Variants in ROBO1 observed in about 807,000 individuals in gnomAD.
The protein encoded by ROBO1 is roundabout guidance receptor 1, also known as roundabout homolog 1.
Under a neutral mutation model 195.9 loss-of-function variants are expected in ROBO1, and 149 were observed. The ratio of observed to expected loss-of-function variants is 0.76; its 90% CI spans 0.67 to 0.87. ROBO1 has a LOEUF of 0.87. ROBO1 is among the 40% of genes least tolerant of loss of function. ROBO1 has a pLI of 0.00. For synonymous variants in ROBO1, 816 were observed against 733.2 expected (o/e 1.11, Z -1.82); for missense variants, 1,933 against 2,068.3 (o/e 0.93, Z 1.27).
chr3:78,785,730 C>T (rs918774546), intron 4 of ROBO1, among the ~76,000 whole-genome samples: 6 of 152,084 alleles, frequency 3.9e-5, no homozygotes, highest in African/African-American at 1.4e-4. Context: ...ATCTGTCCAC[C>T]GTACGTTTTC....
Position 79,688,207 on chromosome 3 carries a change from T to C in ROBO1, c.-51+79545A>G, listed in dbSNP as rs1947188614. On this transcript the variant is annotated intron_variant, in intron 1 of 30. Coordinates refer to ENST00000464233, the MANE Select transcript of ROBO1 (RefSeq NM_002941.4). ...ACACAGGAAGGGGAACATCACACACTGGGGCCTGTTGTGGGGTGGGGGGAG... is the reference window on the plus strand; with the variant it reads ...ACACAGGAAGGGGAACATCACACACCGGGGCCTGTTGTGGGGTGGGGGGAG... Among the ~76,000 whole-genome samples the C allele has an allele frequency of 3.6e-5, 4 of 110,632 alleles. No individual in the cohort carries two copies. In the South Asian group the frequency reaches 1.2e-3, roughly 33 times the overall value. 72.6% of individuals were successfully genotyped at this position (110,632 alleles called of 152,430 possible).
At chr3:78,865,472 C>CTTTT (rs549086224) in intron 4 of ROBO1, among the ~76,000 whole-genome samples, 2 of 126,902 alleles carry the variant, frequency 1.6e-5, no homozygotes, top group African/African-American at 3.0e-5. Flanking sequence ...TTGATGAACG[C>CTTTT]TTTTTTTTTT....
intron 1 of ROBO1, among the ~76,000 whole-genome samples, chr3:79,688,529 T>A (rs1245285902): frequency 1.3e-5 from 2 of 152,136 alleles, no homozygotes; most frequent in African/African-American, 4.8e-5. Context: ...AACAGTGGAT[T>A]TTTGAAGTCC....
At chr3:79,560,521 TATAATA>T (rs1173912130) in intron 2 of ROBO1, among the ~76,000 whole-genome samples, 1 of 116,356 alleles carries the variant, frequency 8.6e-6, no homozygotes, top group Non-Finnish European at 1.7e-5. Flanking sequence ...AAACTTAAAG[TATAATA>T]ATAATAATTA....
chr3:79,612,533 G>A (rs1050865069), intron 1 of ROBO1, among the ~76,000 whole-genome samples: 1 of 151,398 alleles, frequency 6.6e-6, no homozygotes, highest in Admixed American at 6.6e-5. Flanking sequence ...ATAGTCCTTT[G>A]GGTATATACC....
At chr3:79,184,090 T>C (rs2081393277) in intron 2 of ROBO1, among the ~76,000 whole-genome samples, 1 of 152,156 alleles carries the variant, frequency 6.6e-6, no homozygotes, top group Admixed American at 6.5e-5. Flanking sequence ...TATTTTCTGG[T>C]CTTACCCAAT....
chr3:78,814,843 A>G (rs553928365), intron 4 of ROBO1, among the ~76,000 whole-genome samples: 7 of 152,258 alleles, frequency 4.6e-5, no homozygotes, highest in Non-Finnish European at 7.4e-5. Context: ...TATGGCAATC[A>G]TACAGCAGCA....
chr3:79,123,646 T>C (rs1227739377), intron 3 of ROBO1, among the ~76,000 whole-genome samples: 1 of 151,994 alleles, frequency 6.6e-6, no homozygotes, highest in African/African-American at 2.4e-5. Context: ...ACTAGGTTGT[T>C]AAAGACAGTT....
chr3:79,318,962 A>C (rs2033859946), intron 2 of ROBO1, among the ~76,000 whole-genome samples: 1 of 152,220 alleles, frequency 6.6e-6, no homozygotes, highest in Admixed American at 6.5e-5. Flanking sequence ...ATTTCAACAT[A>C]TAATCAATAC....
intron 2 of ROBO1, among the ~76,000 whole-genome samples, chr3:79,541,470 A>G (rs757000542): frequency 1.1e-4 from 17 of 152,118 alleles, no homozygotes; most frequent in Non-Finnish European, 1.8e-4. Context: ...CTAGAAGCAC[A>G]GTCTATCACA....
intron 10 of ROBO1, 148 bp from the exon 11 acceptor site, chr3:78,670,449 C>A: frequency 1.5e-6 from 1 of 654,548 alleles, no homozygotes. Context: ...ATTCAAAATG[C>A]ATTTATATGA....
At chr3:78,998,768 C>G (rs1333751032) in intron 3 of ROBO1, among the ~76,000 whole-genome samples, 1 of 152,054 alleles carries the variant, frequency 6.6e-6, no homozygotes, top group Non-Finnish European at 1.5e-5. Flanking sequence ...CATCTCTCCC[C>G]TTTATTAGTT....
At chr3:78,688,092 C>A (rs3773227) in intron 9 of ROBO1, among the ~76,000 whole-genome samples, 43,252 of 151,976 alleles carry the variant, frequency 0.28, 6,530 homozygotes, top group African/African-American at 0.39. Flanking sequence ...TATATAAAAA[C>A]TTGAAGTTCA....
intron 2 of ROBO1, among the ~76,000 whole-genome samples, chr3:79,406,815 A>G (rs942694889): frequency 6.6e-6 from 1 of 152,100 alleles, no homozygotes; most frequent in Non-Finnish European, 1.5e-5. Flanking sequence ...CTTCACATAT[A>G]ATTCTTTGTT....
chr3:78,657,592 A>G (rs1047261984), intron 17 of ROBO1, among the ~76,000 whole-genome samples: 3 of 152,240 alleles, frequency 2.0e-5, no homozygotes, highest in Non-Finnish European at 4.4e-5. Flanking sequence ...TAACACCAAC[A>G]CATTATCTGC....
intron 3 of ROBO1, among the ~76,000 whole-genome samples, chr3:79,070,817 T>C (rs1267047337): frequency 6.6e-6 from 1 of 151,784 alleles, no homozygotes; most frequent in Non-Finnish European, 1.5e-5. Flanking sequence ...TACTCATGTG[T>C]TTTTTACTGT....
intron 1 of ROBO1, among the ~76,000 whole-genome samples, chr3:79,690,353 G>A (rs142812304): frequency 6.6e-6 from 1 of 152,088 alleles, no homozygotes; most frequent in East Asian, 1.9e-4. Context: ...GAAGAGTGAT[G>A]AGAGGACAAG....
intron 1 of ROBO1, among the ~76,000 whole-genome samples, chr3:79,651,966 C>T (rs1946022443): frequency 6.6e-6 from 1 of 152,002 alleles, no homozygotes; most frequent in South Asian, 2.1e-4. Context: ...GTTGCAATGC[C>T]AAATATTTAT....
intron 28 of ROBO1, among the ~76,000 whole-genome samples, chr3:78,613,745 T>C (rs1361676114): frequency 6.6e-6 from 1 of 152,210 alleles, no homozygotes; most frequent in Non-Finnish European, 1.5e-5. Flanking sequence ...AAAACCTTCC[T>C]TGCAACCTTG....
Sources: gnomAD v4.1 joint callset for allele counts (sites outside exome capture counted in the v4.1 genomes callset) on GRCh38, gnomAD v4.1.1 for gene constraint, MANE v1.5 for transcripts, NCBI Gene and HGNC (gene_info 2026-07-23, HGNC 2026-07-21) for gene names.